Variants in DNER observed in about 807,000 individuals in gnomAD.
The protein encoded by DNER is delta and Notch-like epidermal growth factor-related receptor.
A neutral mutation model predicts 78.2 loss-of-function variants in DNER; 33 were observed. The ratio of observed to expected loss-of-function variants is 0.42; its 90% CI spans 0.32 to 0.56. The LOEUF (loss-of-function observed/expected upper bound fraction) is 0.56. Ranked by LOEUF, DNER falls within the 20% of genes least tolerant of loss-of-function variation. The pLI is 0.11. For missense variants in DNER, 918 were observed against 975.3 expected (o/e 0.94, Z 0.78); for synonymous variants, 417 against 384.8 (o/e 1.08, Z -0.98).
intron 5 of DNER, among the ~76,000 whole-genome samples, chr2:229,520,932 A>G (rs1696082661): frequency 6.6e-6 from 1 of 152,250 alleles, no homozygotes; most frequent in Non-Finnish European, 1.5e-5. Flanking sequence ...CAACCCTGTC[A>G]GCTTGAAGAA....
intron 11 of DNER, among the ~76,000 whole-genome samples, chr2:229,375,937 A>T (rs1397625968): frequency 6.6e-6 from 1 of 152,134 alleles, no homozygotes; most frequent in East Asian, 1.9e-4. Flanking sequence ...CGGGTCCCCC[A>T]TGCTGTTCTC....
intron 1 of DNER, among the ~76,000 whole-genome samples, chr2:229,612,071 G>A (rs544192095): frequency 1.1e-4 from 16 of 152,294 alleles, no homozygotes; most frequent in East Asian, 5.8e-4. Flanking sequence ...GGAGTCAAGC[G>A]CTGCTAGAGT....
chr2:229,618,965 C>T (rs145654723), intron 1 of DNER, among the ~76,000 whole-genome samples: 5 of 152,210 alleles, frequency 3.3e-5, no homozygotes, highest in African/African-American at 9.6e-5. Context: ...GAGACTCCCT[C>T]TACACCCACT....
At chr2:229,508,310 C>T (rs969580582) in intron 6 of DNER, among the ~76,000 whole-genome samples, 1 of 152,178 alleles carries the variant, frequency 6.6e-6, no homozygotes, top group African/African-American at 2.4e-5. Flanking sequence ...CACAATTTTA[C>T]TTCTAGGTAT....
intron 4 of DNER, among the ~76,000 whole-genome samples, chr2:229,579,776 CT>C (rs60345395): frequency 2.5e-3 from 362 of 144,694 alleles, no homozygotes; most frequent in Middle Eastern, 7.0e-3. Flanking sequence ...TTGAGAATTC[CT>C]TTTTTTTTTT....
At chr2:229,368,250 C>G (rs1477183960) in intron 11 of DNER, among the ~76,000 whole-genome samples, 3 of 152,094 alleles carry the variant, frequency 2.0e-5, no homozygotes, top group African/African-American at 7.2e-5. Context: ...GTGGTCCTGG[C>G]TACTCAGGAA....
intron 1 of DNER, among the ~76,000 whole-genome samples, chr2:229,685,881 G>A (rs1019097405): frequency 6.6e-6 from 1 of 152,140 alleles, no homozygotes; most frequent in East Asian, 1.9e-4. Flanking sequence ...AAGGGGCTAA[G>A]GTCAGTGTGA....
At chr2:229,588,300 C>T in intron 3 of DNER, 94 bp downstream of exon 3, 1 of 1,119,328 alleles carries the variant, frequency 8.9e-7, no homozygotes, top group Non-Finnish European at 1.3e-6. Flanking sequence ...TCTCACTTGA[C>T]AGGCCACTTA....
rs1409850665 is a variant in DNER at position 229,515,635 on chromosome 2, C to CTTTTTTTTTTTTT, written c.994-2700_994-2699insAAAAAAAAAAAAA. On this transcript the variant is annotated intron_variant, in intron 5 of 12. Coordinates refer to ENST00000341772, the MANE Select transcript of DNER (RefSeq NM_139072.4). ...CCCAAATCAAATATCTTCAAGTTAG[C>CTTTTTTTTTTTTT]TTTATTTTTTTATTTTTTTTTTTTT... 4.9e-5 allele frequency among the ~76,000 whole-genome samples: 6 copies of CTTTTTTTTTTTTT among 123,250 alleles called. 2 individuals carry two copies. The highest frequency in any genetic ancestry group is 3.4e-5 in the Non-Finnish European group (2 of 58,750). The allele number at this position is 123,250 out of a possible 152,430, so 80.9% of individuals were successfully genotyped here. A position where few individuals can be genotyped will look rare whatever the true frequency, so the allele number is the denominator to read the frequency against.
At chr2:229,523,448 C>A (rs1036559519) in intron 5 of DNER, among the ~76,000 whole-genome samples, 1 of 152,176 alleles carries the variant, frequency 6.6e-6, no homozygotes, top group Non-Finnish European at 1.5e-5. Flanking sequence ...TGGCCATCTC[C>A]TCCCCGTGTC....
chr2:229,388,953 G>A (rs964630738), intron 10 of DNER, among the ~76,000 whole-genome samples: 3 of 151,964 alleles, frequency 2.0e-5, no homozygotes, highest in Non-Finnish European at 4.4e-5. Flanking sequence ...GGACATAGCT[G>A]TGCACCCAGC....
Position 229,518,953 on chromosome 2 carries a change from C to CTT in DNER, c.994-6019_994-6018dup, listed in dbSNP as rs11441895. On this transcript the variant is annotated intron_variant, in intron 5 of 12. Coordinates refer to ENST00000341772, the MANE Select transcript of DNER (RefSeq NM_139072.4). ...GAACGATGCAAATCATGCGATTACT[C>CTT]TTTTTTTTTTTTTTATTTTTGATTT... Among the ~76,000 whole-genome samples, 1,162 of 145,286 alleles carry CTT rather than the reference C, an allele frequency of 8.0e-3. 10 individuals carry two copies. Among genetic ancestry groups the CTT allele is most frequent in the Non-Finnish European group, 0.013 (859 of 66,128 alleles).
intron 1 of DNER, among the ~76,000 whole-genome samples, chr2:229,622,101 C>CA (rs1223057431): frequency 2.0e-5 from 3 of 151,874 alleles, no homozygotes; most frequent in South Asian, 2.1e-4. Context: ...AACAAACAAA[C>CA]AAACAAAAAA....
intron 1 of DNER, among the ~76,000 whole-genome samples, chr2:229,696,381 G>A (rs1020278329): frequency 6.6e-6 from 1 of 152,212 alleles, no homozygotes; most frequent in Non-Finnish European, 1.5e-5. Flanking sequence ...CTAGGAGGAG[G>A]AAACTGACCA....
chr2:229,494,787 T>C (rs745828276), intron 6 of DNER, among the ~76,000 whole-genome samples: 7 of 152,204 alleles, frequency 4.6e-5, no homozygotes, highest in Non-Finnish European at 1.0e-4. Flanking sequence ...GAACAGCTCA[T>C]ATTCACAGCT....
At chr2:229,424,520 G>A (rs574104605) in intron 8 of DNER, among the ~76,000 whole-genome samples, 1 of 152,164 alleles carries the variant, frequency 6.6e-6, no homozygotes, top group Admixed American at 6.5e-5. Context: ...GTGTCAACAG[G>A]TATGGTTTCC....
chr2:229,580,611 C>T (rs1697375233), intron 4 of DNER, among the ~76,000 whole-genome samples: 1 of 152,014 alleles, frequency 6.6e-6, no homozygotes, highest in South Asian at 2.1e-4. Context: ...GAGGAATAGA[C>T]TGGATCAAAA....
chr2:229,458,206 A>G (rs1694617961), intron 7 of DNER, among the ~76,000 whole-genome samples: 1 of 151,318 alleles, frequency 6.6e-6, no homozygotes, highest in South Asian at 2.1e-4. Context: ...AAAAGAAAGC[A>G]TAAGAAAACT....
chr2:229,586,275 A>G (rs1378400889), intron 3 of DNER, among the ~76,000 whole-genome samples: 2 of 152,096 alleles, frequency 1.3e-5, no homozygotes, highest in Non-Finnish European at 2.9e-5. Flanking sequence ...AAAAGAGTAC[A>G]CTGAGTTCTC....
Sources: gnomAD v4.1 joint callset for allele counts (sites outside exome capture counted in the v4.1 genomes callset) on GRCh38, gnomAD v4.1.1 for gene constraint, MANE v1.5 for transcripts, NCBI Gene and HGNC (gene_info 2026-07-23, HGNC 2026-07-21) for gene names.